The following CD1A variants were observed in gnomAD, a reference collection of about 807,000 sequenced individuals.
CD1A encodes the protein T-cell surface glycoprotein CD1a.
Under a neutral mutation model 38.3 loss-of-function variants are expected in CD1A, and 50 were observed. The observed-to-expected ratio is 1.30, with a 90% CI of 1.04 to 1.65. The LOEUF (loss-of-function observed/expected upper bound fraction) is 1.65. Among genes scored for constraint, CD1A ranks in the 40% most tolerant of loss-of-function variants. CD1A has a pLI of 0.00. For missense variants in CD1A, 459 were observed against 406.1 expected, an observed-to-expected ratio of 1.13 and a Z score of -1.12; for synonymous variants, 160 against 150.8, an observed-to-expected ratio of 1.06 and a Z score of -0.45.
Position 158,257,706 on chromosome 1 carries a change from T to C in CD1A, c.*16T>C. The C allele has an allele frequency of 6.2e-7, 1 of 1,613,406 alleles. No individual in the cohort carries two copies. The highest frequency in any genetic ancestry group is 8.5e-7 in the Non-Finnish European group (1 of 1,179,330). On this transcript the variant is annotated 3_prime_UTR_variant, in exon 6 of 6. Coordinates refer to ENST00000289429, the MANE Select transcript of CD1A (RefSeq NM_001763.3). ...TTTCTGTTAAGACACACCATGAGCC[T>C]CCTCGTCACCCTTCTCCTTTTGGGG...
At chr1:158,250,859 C>A (rs1650069237), upstream of CD1A, among the ~76,000 whole-genome samples, 1 of 151,998 alleles carries the variant, frequency 6.6e-6, no homozygotes, top group Non-Finnish European at 1.5e-5. Context: ...GATTACAGTC[C>A]CTATATCTCT....
chr1:158,257,569 T>C (rs112190883), intron 5 of CD1A, 58 bp downstream of exon 5: 3 of 1,574,520 alleles, frequency 1.9e-6, no homozygotes, highest in African/African-American at 2.7e-5. Context: ...TTTCTTCCCA[T>C]GTTTTTTGTT....
upstream of CD1A, among the ~76,000 whole-genome samples, chr1:158,249,590 A>T (rs1650031196): frequency 6.6e-6 from 1 of 152,220 alleles, no homozygotes; most frequent in South Asian, 2.1e-4. Flanking sequence ...TTCAGAACAT[A>T]GCAGGTCTGT....
rs1390294532 is a variant in CD1A, at chr1:158,257,442, T to C, written c.905T>C (p.Phe302Ser). The C allele has an allele frequency of 5.6e-6, 9 of 1,613,958 alleles. No individual in the cohort carries two copies. Among genetic ancestry groups the C allele is most frequent in the Middle Eastern group, 1.6e-4 (1 of 6,084 alleles). The change falls in exon 5 of 6, where the codon TTC becomes TCC. Residue 302 changes from phenylalanine (F) to serine (S), a missense_variant. Transcript: ENST00000289429. Reference protein sequence around the residue: ...LYWEHHSSVGFIILAVIVPLL... With the variant: ...LYWEHHSSVGSIILAVIVPLL... ...ACAGAGCATCACAGTTCCGTGGGCT[T>C]CATCATCTTGGCGGTGATAGTGCCT...
At chr1:158,248,667 T>G in the CD1A span, among the ~76,000 whole-genome samples, 2 of 152,234 alleles carry the variant, frequency 1.3e-5, no homozygotes, top group South Asian at 2.1e-4. Flanking sequence ...TCTTAATTAT[T>G]TTCCTTTTCT....
intron 4 of CD1A, 128 bp from the exon 5 acceptor site, chr1:158,257,293 A>T: frequency 2.1e-6 from 2 of 969,116 alleles, no homozygotes; most frequent in Non-Finnish European, 3.2e-6. Flanking sequence ...AAAACATAGA[A>T]AAAAAGGAGA....
chr1:158,255,682 C>G (rs1425785502), intron 2 of CD1A, among the ~76,000 whole-genome samples: 1 of 152,152 alleles, frequency 6.6e-6, no homozygotes, highest in Non-Finnish European at 1.5e-5. Context: ...TCAGCAGTCT[C>G]TCTATATATA....
chr1:158,254,586 T>G lies in CD1A; in HGVS notation c.-84T>G. The G allele has an allele frequency of 6.2e-7, 1 of 1,607,122 alleles. No individual in the cohort carries two copies. Among genetic ancestry groups the G allele is most frequent in the Non-Finnish European group, 8.5e-7 (1 of 1,177,002 alleles). ...TGTTGGCTGCAGAAAGAAGTCAGAA[T>G]AGAGATATCGTGGGGTAGGTTTGTT... On this transcript the variant is annotated 5_prime_UTR_variant, in exon 1 of 6. Transcript: ENST00000289429.
At position 158,256,274 on chromosome 1, in the gene CD1A, A is replaced by G. The variant is rs1650255320; in HGVS notation, c.596A>G (p.Gln199Arg). The G allele has an allele frequency of 6.2e-7, 1 of 1,613,486 alleles. No individual in the cohort carries two copies. Among genetic ancestry groups the G allele is most frequent in the Middle Eastern group, 1.7e-4 (1 of 6,060 alleles). ...GLLDAGKAHL[Q>R]RQVKPEAWLS... ...CTTGATGCAGGAAAGGCACATCTCC[A>G]GCGGCAAGGTCAGTCCTGCACTCTC... is the stretch of plus-strand genomic sequence containing the variant. Residue 199 changes from glutamine (Q) to arginine (R), a missense_variant, in exon 3 of 6, where the codon CAG becomes CGG. Coordinates refer to ENST00000289429, the MANE Select transcript of CD1A (RefSeq NM_001763.3).
upstream of CD1A, among the ~76,000 whole-genome samples, chr1:158,251,275 G>T (rs1290632455): frequency 2.6e-5 from 4 of 152,198 alleles, no homozygotes; most frequent in Non-Finnish European, 5.9e-5. Context: ...TTGTCTTAGT[G>T]GTGGCAGAGT....
chr1:158,254,030 G>GTTTTTTTTTTTTTTTTTTTTTTTTT (rs1398850181), upstream of CD1A: 1 of 45,796 alleles, frequency 2.2e-5, no homozygotes, highest in African/African-American at 8.5e-5. Flanking sequence ...GTGTTCCTGT[G>GTTTTTTTTTTTTTTTTTTTTTTTTT]GTTTTTTTTT....
chr1:158,257,094 A>G, intron 4 of CD1A, 30 bp downstream of exon 4: 60 of 1,580,562 alleles, frequency 3.8e-5, no homozygotes, highest in Non-Finnish European at 5.2e-5. Context: ...CAGGCTGGAA[A>G]TGCCAGGAAG....
At chr1:158,257,382 A>T in intron 4 of CD1A, 39 bp from the exon 5 acceptor site, 1 of 1,476,416 alleles carries the variant, frequency 6.8e-7, no homozygotes, top group South Asian at 1.1e-5. Flanking sequence ...GTAAAATGGG[A>T]TGGATTATAA....
chr1:158,256,718 A>G (rs1373884390), intron 3 of CD1A, 68 bp from the exon 4 acceptor site: 1 of 1,534,244 alleles, frequency 6.5e-7, no homozygotes, highest in Non-Finnish European at 8.8e-7. Flanking sequence ...GTCTATCTAA[A>G]CTTCTAAACT....
Position 158,257,984 on chromosome 1 carries a change from TCAG to T in CD1A, c.*295_*297del. On this transcript the variant is annotated 3_prime_UTR_variant, in exon 6 of 6. Coordinates refer to ENST00000289429, the MANE Select transcript of CD1A (RefSeq NM_001763.3). ...CACATGTTCAACTATTAATGGATCA[TCAG>T]GCCTGTTTTAGATATCCCTTACTCC... 2.6e-6 allele frequency: 1 copy of T among 381,388 alleles called. No homozygotes were observed. The highest frequency in any genetic ancestry group is 4.8e-6 in the Non-Finnish European group (1 of 209,842). 23.6% of individuals were successfully genotyped at this position (381,388 alleles called of 1,614,324 possible). A position where few individuals can be genotyped will look rare whatever the true frequency, so the allele number is the denominator to read the frequency against.
In CD1A at chr1:158,256,826, C is replaced by A. The variant is rs1474470896; in HGVS notation, c.645C>A (p.Gly215=). The A allele has an allele frequency of 6.2e-7, 1 of 1,614,238 alleles. No homozygotes were observed. Among genetic ancestry groups the A allele is most frequent in the Admixed American group, 1.7e-5 (1 of 60,032 alleles). The part of the protein sequence containing the change: ...EAWLSHGPSP[G]PGHLQLVCHV... ...GGCTGTCCCATGGCCCCAGTCCTGG[C>A]CCTGGCCATCTGCAGCTTGTGTGCC... is the stretch of plus-strand genomic sequence containing the variant. Residue 215 remains glycine, a synonymous_variant, in exon 4 of 6, where the codon GGC becomes GGA. Coordinates refer to ENST00000289429, the MANE Select transcript of CD1A (RefSeq NM_001763.3).
chr1:158,252,565 A>G (rs1397712786), upstream of CD1A, among the ~76,000 whole-genome samples: 1 of 152,114 alleles, frequency 6.6e-6, no homozygotes, highest in Non-Finnish European at 1.5e-5. Flanking sequence ...GATTTTGATA[A>G]TCTGGCTTCA....
At position 158,256,063 on chromosome 1, in the gene CD1A, A is replaced by G; in HGVS notation, c.385A>G (p.Ser129Gly). Residue 129 changes from serine (S) to glycine (G), a missense_variant, in exon 3 of 6, where the codon AGC (serine) becomes GGC (glycine). Ser to Gly is a moderately conservative substitution (Grantham distance 56). Transcript: ENST00000289429. Reference sequence around the variant, plus strand: ...GCTGCACTCTGGAAAGGTCTCAGGAAGCTTCTTGCAGTTAGCTTATCAAGG... The same window carrying G: ...GCTGCACTCTGGAAAGGTCTCAGGAGGCTTCTTGCAGTTAGCTTATCAAGG... The part of the protein sequence containing the change: ...CELHSGKVSG[S>G]FLQLAYQGSD... 1 of 1,614,188 alleles carries G rather than the reference A, an allele frequency of 6.2e-7. No individual in the cohort carries two copies. The highest frequency in any genetic ancestry group is 8.5e-7 in the Non-Finnish European group (1 of 1,180,014).
the CD1A span, among the ~76,000 whole-genome samples, chr1:158,248,786 A>G: frequency 5.9e-5 from 9 of 152,074 alleles, no homozygotes; most frequent in African/African-American, 2.2e-4. Flanking sequence ...CCAGCTCCCA[A>G]GAAGCCCTGT....
Sources: allele counts gnomAD v4.1 joint callset (sites outside exome capture counted in the v4.1 genomes callset), GRCh38; gene constraint gnomAD v4.1.1; transcripts MANE v1.5; gene names NCBI Gene and HGNC (gene_info 2026-07-23, HGNC 2026-07-21).